Variants in CPEB3 observed in about 807,000 individuals in gnomAD.
CPEB3 encodes cytoplasmic polyadenylation element binding protein 3, also known as cytoplasmic polyadenylation element-binding protein 3.
A neutral mutation model predicts 67.2 loss-of-function variants in CPEB3; 20 were observed. The observed-to-expected ratio is 0.30, with a 90% confidence interval of 0.21 to 0.43. CPEB3 has a LOEUF of 0.43. Ranked by LOEUF, CPEB3 falls within the 20% of genes least tolerant of loss-of-function variation. The probability of loss-of-function intolerance (pLI) is 1.00; values close to 1 mark genes in which losing one functional copy is unlikely to be tolerated. For synonymous variants in CPEB3, 376 were observed against 393.1 expected, an observed-to-expected ratio of 0.96 and a Z score of 0.51; for missense variants, 746 against 968.6, an observed-to-expected ratio of 0.77 and a Z score of 3.05.
intron 2 of CPEB3, among the ~76,000 whole-genome samples, chr10:92,213,581 C>T (rs561594499): frequency 6.6e-6 from 1 of 152,122 alleles, no homozygotes; most frequent in Non-Finnish European, 1.5e-5. Flanking sequence ...TTCATTGAAG[C>T]TGGAATCTTA....
rs1490716887 is a variant in CPEB3, at chr10:92,239,451, C to G, written c.900G>C (p.Val300=). Residue 300 remains valine, a synonymous_variant, in exon 2 of 10, where the codon GTG becomes GTC. Transcript: ENST00000265997. This position sits in a 1 kb window ranked among gnomAD's most constrained non-coding sequence, Gnocchi z 6.0. ...SPLKKPFSSN[V]IAPPKFPRAA... Reference sequence around the variant, plus strand: ...CGCGAGGGAACTTGGGCGGCGCGATCACGTTGCTGGAGAAGGGCTTTTTGA... The same window carrying G: ...CGCGAGGGAACTTGGGCGGCGCGATGACGTTGCTGGAGAAGGGCTTTTTGA... The G allele has an allele frequency of 6.3e-7, 1 of 1,599,124 alleles. No individual in the cohort carries two copies. The highest frequency in any genetic ancestry group is 1.3e-5 in the African/African-American group (1 of 74,958).
chr10:92,217,270 C>G (rs1850473964), intron 2 of CPEB3, among the ~76,000 whole-genome samples: 1 of 140,284 alleles, frequency 7.1e-6, no homozygotes, highest in Non-Finnish European at 1.5e-5. Context: ...CACACACACA[C>G]ACATATATAT....
At chr10:92,265,137 G>A (rs1374954064) in intron 1 of CPEB3, among the ~76,000 whole-genome samples, 1 of 151,780 alleles carries the variant, frequency 6.6e-6, no homozygotes, top group Non-Finnish European at 1.5e-5. Context: ...TCCAGCCTGG[G>A]CAACACAGCG....
chr10:92,077,763 G>A lies in CPEB3; in HGVS notation c.1869+3557C>T, dbSNP rs970340980. Among the ~76,000 whole-genome samples the A allele has an allele frequency of 7.4e-5, 11 of 148,018 alleles. No homozygotes were observed. The South Asian group carries it at 2.4e-3, about 33-fold the overall frequency. ...AAGAGAAGAAAAGGGAAGAAGAGGA[G>A]AGAGGATGGGAGGAGAAGGGAGGGG... On this transcript the variant is annotated intron_variant, in intron 9 of 9. Coordinates refer to ENST00000265997, the MANE Select transcript of CPEB3 (RefSeq NM_014912.5).
At chr10:92,191,057 T>C (rs868355550) in intron 3 of CPEB3, among the ~76,000 whole-genome samples, 1 of 152,222 alleles carries the variant, frequency 6.6e-6, no homozygotes, top group Non-Finnish European at 1.5e-5. Flanking sequence ...AGTTACCTTT[T>C]TGTTCTTCTA....
intron 2 of CPEB3, among the ~76,000 whole-genome samples, chr10:92,232,335 G>A (rs562589769): frequency 6.5e-4 from 99 of 151,938 alleles, no homozygotes; most frequent in South Asian, 1.2e-3. Context: ...GATTACAGGC[G>A]TGAGCCACCG....
intron 7 of CPEB3, among the ~76,000 whole-genome samples, chr10:92,095,281 C>T (rs149543222): frequency 3.6e-4 from 55 of 152,276 alleles, no homozygotes; most frequent in African/African-American, 7.5e-4. Context: ...ACCCTATTCA[C>T]GAAACCTACA....
chr10:92,100,573 G>C (rs1844131683), intron 7 of CPEB3, among the ~76,000 whole-genome samples: 1 of 151,926 alleles, frequency 6.6e-6, no homozygotes, highest in Admixed American at 6.6e-5. Flanking sequence ...ACCACGCCCA[G>C]CCAATAAGAA....
intron 8 of CPEB3, among the ~76,000 whole-genome samples, chr10:92,085,569 AATT>A (rs1843335860): frequency 6.6e-6 from 1 of 152,028 alleles, no homozygotes; most frequent in African/African-American, 2.4e-5. Context: ...TATAAGCTTC[AATT>A]ATGGTTCCTT....
intron 9 of CPEB3, among the ~76,000 whole-genome samples, chr10:92,064,107 A>G (rs2134338205): frequency 6.6e-6 from 1 of 152,352 alleles, no homozygotes; most frequent in African/African-American, 2.4e-5. Context: ...GAAGAGGCTG[A>G]CAACAGAACA....
At chr10:92,057,622 G>C (rs1051527127) in intron 9 of CPEB3, among the ~76,000 whole-genome samples, 2 of 152,238 alleles carry the variant, frequency 1.3e-5, no homozygotes, top group Non-Finnish European at 2.9e-5. Flanking sequence ...TAACCAGGGC[G>C]TGGTTATGGC....
intron 6 of CPEB3, among the ~76,000 whole-genome samples, chr10:92,139,769 T>C (rs1846305322): frequency 1.3e-5 from 2 of 152,138 alleles, no homozygotes; most frequent in African/African-American, 2.4e-5. Flanking sequence ...TATTACATAC[T>C]GTATGCCTAT....
intron 9 of CPEB3, among the ~76,000 whole-genome samples, chr10:92,074,095 TTTTTTTTTAATTAAAAAAATGG>T (rs1010609942): frequency 2.4e-5 from 2 of 84,174 alleles, no homozygotes; most frequent in African/African-American, 5.9e-5. Flanking sequence ...TTTTTAACTA[TTTTTTTTTAATTAAAAAAATGG>T]TTTTTTTTTA....
At chr10:92,263,009 G>A (rs908151028) in intron 1 of CPEB3, among the ~76,000 whole-genome samples, 2 of 151,844 alleles carry the variant, frequency 1.3e-5, no homozygotes, top group African/African-American at 2.4e-5. Context: ...GGCTCAAGCA[G>A]TCCTCCCGCC....
intron 4 of CPEB3, among the ~76,000 whole-genome samples, chr10:92,149,089 C>T (rs966342970): frequency 2.6e-5 from 4 of 152,074 alleles, no homozygotes; most frequent in Admixed American, 2.6e-4. Flanking sequence ...TTAGTAGAGA[C>T]AAGGTTTCGC....
chr10:92,177,023 T>C (rs1848250705), intron 4 of CPEB3, among the ~76,000 whole-genome samples: 1 of 152,168 alleles, frequency 6.6e-6, no homozygotes, highest in South Asian at 2.1e-4. Flanking sequence ...ATTCTTCCAA[T>C]GTGGCCCAGG....
intron 2 of CPEB3, among the ~76,000 whole-genome samples, chr10:92,194,085 C>T (rs66521023): frequency 0.31 from 46,813 of 151,066 alleles, 7,552 homozygotes; most frequent in Admixed American, 0.43. Context: ...CGTGAGACAC[C>T]GCGCCCGGCC....
At chr10:92,098,762 CTTTTT>C (rs930685926) in intron 7 of CPEB3, among the ~76,000 whole-genome samples, 4 of 142,038 alleles carry the variant, frequency 2.8e-5, no homozygotes, top group Admixed American at 2.8e-4. Flanking sequence ...AACTATTTTT[CTTTTT>C]TTCTTTTTTT....
intron 7 of CPEB3, among the ~76,000 whole-genome samples, chr10:92,107,879 G>A (rs548633093): frequency 3.5e-4 from 53 of 152,204 alleles, no homozygotes; most frequent in African/African-American, 1.2e-3. Context: ...AGTCTGAGTT[G>A]AGTAATTTAA....
Sources: gnomAD v4.1 joint callset for allele counts (sites outside exome capture counted in the v4.1 genomes callset) on GRCh38, gnomAD v4.1.1 for gene constraint, Gnocchi (gnomAD v3.1) non-coding constraint, MANE v1.5 for transcripts, NCBI Gene and HGNC (gene_info 2026-07-23, HGNC 2026-07-21) for gene names.